TSHR: variants seen among roughly 807,000 people sequenced by gnomAD.
The protein encoded by TSHR is thyroid stimulating hormone receptor.
Under a neutral mutation model 64.1 loss-of-function variants are expected in TSHR, and 51 were observed. The observed-to-expected ratio is 0.80, with a 90% CI of 0.64 to 1.01. The LOEUF is 1.01. Ranked by LOEUF, TSHR falls within the 50% of genes least tolerant of loss-of-function variation. The pLI, the probability that TSHR is intolerant of heterozygous loss-of-function variation, is 0.00. For missense variants in TSHR, 877 were observed against 942.8 expected (o/e 0.93, Z 0.91); for synonymous variants, 361 against 361.9 (o/e 1.00, Z 0.03).
intron 1 of TSHR, among the ~76,000 whole-genome samples, chr14:81,000,663 T>TTC (rs1318250916): frequency 6.6e-6 from 1 of 152,128 alleles, no homozygotes; most frequent in Admixed American, 6.5e-5. Context: ...TTCGTACTCA[T>TTC]TCTCTCTCTC....
Position 81,068,346 on chromosome 14 carries a change from T to G in TSHR, c.317+18T>G, listed in dbSNP as rs778096093. Reference sequence around the variant, plus strand: ...ACTCACATGTAAGTACAAGGAAAAGTGCAGCATAGACCTAAGCCACAACCA... The same window carrying G: ...ACTCACATGTAAGTACAAGGAAAAGGGCAGCATAGACCTAAGCCACAACCA... On this transcript the variant is annotated intron_variant, in intron 3 of 9. Coordinates refer to ENST00000298171, the MANE Select transcript of TSHR (RefSeq NM_000369.5). 1 of 1,611,370 alleles carries G rather than the reference T, an allele frequency of 6.2e-7. No homozygotes were observed. The highest frequency in any genetic ancestry group is 1.1e-5 in the South Asian group (1 of 91,026).
In TSHR at chr14:81,122,020, C is replaced by CTTTTTTT. The variant is rs1161879777; in HGVS notation, c.692+13603_692+13609dup. Reference sequence around the variant, plus strand: ...CTGGTTTGAGATGTGTTTTCTTTTCCTTTTTTTTTTTTTTTTTTTTTTTTT... The same window carrying CTTTTTTT: ...CTGGTTTGAGATGTGTTTTCTTTTCCTTTTTTTTTTTTTTTTTTTTTTTTTTTTTTTT... On this transcript the variant is annotated intron_variant, in intron 8 of 9. Coordinates refer to ENST00000298171, the MANE Select transcript of TSHR (RefSeq NM_000369.5). Among the ~76,000 whole-genome samples, 27 of 44,902 alleles carry CTTTTTTT rather than the reference C, an allele frequency of 6.0e-4. 8 individuals are homozygous for CTTTTTTT. Among genetic ancestry groups the CTTTTTTT allele is most frequent in the East Asian group, 1.3e-3 (2 of 1,524 alleles). The allele number at this position is 44,902 out of a possible 152,430, so 29.5% of individuals were successfully genotyped here.
intron 1 of TSHR, chr14:81,013,088 G>A (rs1179026586): frequency 6.6e-6 from 1 of 152,100 alleles, no homozygotes; most frequent in African/African-American, 2.4e-5. Flanking sequence ...TAACGTTTAA[G>A]TCTTTAATCC....
chr14:81,088,131 AT>A, intron 4 of TSHR, 103 bp downstream of exon 4: 3 of 944,680 alleles, frequency 3.2e-6, no homozygotes, highest in Non-Finnish European at 5.2e-6. Flanking sequence ...GTCCAGGTTC[AT>A]TTTAATGGTG....
chr14:81,055,040 A>T (rs189841731), intron 1 of TSHR, among the ~76,000 whole-genome samples: 71 of 152,212 alleles, frequency 4.7e-4, no homozygotes, highest in African/African-American at 1.5e-3. Flanking sequence ...GAGGCCTAGG[A>T]GGAAAAAATG....
In TSHR at chr14:81,017,538, C is replaced by G. The variant is rs1401904961; in HGVS notation, c.171-44610C>G. Among the ~76,000 whole-genome samples, 3 of 152,108 alleles carry G rather than the reference C, an allele frequency of 2.0e-5. No homozygotes were observed. In the East Asian group the frequency reaches 5.8e-4, roughly 29 times the overall value. On this transcript the variant is annotated intron_variant, in intron 1 of 9. Coordinates refer to ENST00000298171, the MANE Select transcript of TSHR (RefSeq NM_000369.5). ...AACGTGGCCCCAGAACAGCTGGTAC[C>G]CAAATGCCCTGTGGGTCTGTTAAAA... is the stretch of plus-strand genomic sequence containing the variant.
chr14:81,102,599 G>A (rs950309193), intron 7 of TSHR: 1 of 183,148 alleles, frequency 5.5e-6, no homozygotes, highest in Non-Finnish European at 1.0e-5. Context: ...GGCCTTATGG[G>A]ACATATGGTC....
intron 8 of TSHR, among the ~76,000 whole-genome samples, chr14:81,115,575 T>C (rs369742982): frequency 6.7e-6 from 1 of 150,016 alleles, no homozygotes; most frequent in South Asian, 2.2e-4. Flanking sequence ...GAAAGTGATG[T>C]GGAGAATGGA....
chr14:80,977,410 T>C (rs1471338729), intron 1 of TSHR, among the ~76,000 whole-genome samples: 2 of 152,222 alleles, frequency 1.3e-5, no homozygotes, highest in Non-Finnish European at 2.9e-5. Context: ...CCTGACATTC[T>C]GACTTAATGT....
intron 1 of TSHR, among the ~76,000 whole-genome samples, chr14:81,032,129 G>T (rs943977121): frequency 7.2e-5 from 11 of 152,148 alleles, no homozygotes; most frequent in Non-Finnish European, 1.6e-4. Context: ...TGATCTGTAT[G>T]AGAAATTGAA....
chr14:81,055,333 A>C (rs1380246497), intron 1 of TSHR, among the ~76,000 whole-genome samples: 2 of 152,216 alleles, frequency 1.3e-5, no homozygotes, highest in Non-Finnish European at 2.9e-5. Context: ...TGAGGCACTC[A>C]TGAAGAATCT....
At position 81,146,029 on chromosome 14, in the gene TSHR, C is replaced by T. The variant is rs1199211518; in HGVS notation, c.*1676C>T. The T allele has an allele frequency of 4.3e-6, 1 of 231,462 alleles. No individual in the cohort carries two copies. Among genetic ancestry groups the T allele is most frequent in the Non-Finnish European group, 8.5e-6 (1 of 116,968 alleles). The allele number at this position is 231,462 out of a possible 1,614,324, so 14.3% of individuals were successfully genotyped here. ...CTCATCACTATCATTGAGACCTGCACATCTTAATAGAAATATTATAAACAT... is the reference window on the plus strand; with the variant it reads ...CTCATCACTATCATTGAGACCTGCATATCTTAATAGAAATATTATAAACAT... On this transcript the variant is annotated 3_prime_UTR_variant, in exon 10 of 10. Transcript: ENST00000298171.
chr14:80,971,104 G>A (rs1887569196), intron 1 of TSHR, among the ~76,000 whole-genome samples: 1 of 152,152 alleles, frequency 6.6e-6, no homozygotes, highest in Non-Finnish European at 1.5e-5. Flanking sequence ...GATTACAAGC[G>A]TGAGCCACCA....
intron 1 of TSHR, among the ~76,000 whole-genome samples, chr14:81,060,239 T>G (rs1886134957): frequency 2.0e-5 from 3 of 152,164 alleles, no homozygotes; most frequent in Admixed American, 6.6e-5. Context: ...TCTTTGAGCT[T>G]AAACTCAATC....
At chr14:81,130,713 C>T (rs1229552082) in intron 8 of TSHR, among the ~76,000 whole-genome samples, 2 of 91,018 alleles carry the variant, frequency 2.2e-5, no homozygotes, top group African/African-American at 9.1e-5. Flanking sequence ...CTGCTTGGGC[C>T]GGGCGCGGTG....
At chr14:81,098,418 A>G (rs949312054) in intron 7 of TSHR, among the ~76,000 whole-genome samples, 2 of 152,200 alleles carry the variant, frequency 1.3e-5, no homozygotes, top group Non-Finnish European at 2.9e-5. Flanking sequence ...TCTTTTTCTA[A>G]TCTAGCATTC....
At chr14:81,002,182 A>G (rs1208409876) in intron 1 of TSHR, among the ~76,000 whole-genome samples, 1 of 152,142 alleles carries the variant, frequency 6.6e-6, no homozygotes, top group African/African-American at 2.4e-5. Context: ...TATGTATATT[A>G]CCTTTCTAAA....
chr14:81,055,584 C>A (rs1317406213), intron 1 of TSHR, among the ~76,000 whole-genome samples: 2 of 152,162 alleles, frequency 1.3e-5, no homozygotes, highest in Non-Finnish European at 2.9e-5. Context: ...CTGTCCAACA[C>A]CATGGGAACT....
intron 8 of TSHR, among the ~76,000 whole-genome samples, chr14:81,127,227 A>C (rs1360141846): frequency 6.6e-6 from 1 of 152,192 alleles, no homozygotes; most frequent in Non-Finnish European, 1.5e-5. Context: ...CTTTTCTGGG[A>C]GTTTACTCCT....
Sources: allele counts gnomAD v4.1 joint callset (sites outside exome capture counted in the v4.1 genomes callset), GRCh38; gene constraint gnomAD v4.1.1; transcripts MANE v1.5; gene names NCBI Gene and HGNC (gene_info 2026-07-23, HGNC 2026-07-21).